Variants in FAM178B observed in about 807,000 individuals in gnomAD.
FAM178B encodes the protein protein FAM178B.
A neutral mutation model predicts 91.7 loss-of-function variants in FAM178B; 82 were observed. That is an observed-to-expected ratio of 0.89 (90% confidence interval 0.75 to 1.07). The LOEUF (loss-of-function observed/expected upper bound fraction) is 1.07. Ranked by LOEUF, FAM178B falls within the 50% of genes least tolerant of loss-of-function variation. The pLI is 0.00. For missense variants in FAM178B, 769 were observed against 846.7 expected, an observed-to-expected ratio of 0.91 and a Z score of 1.14; for synonymous variants, 368 against 359.4, an observed-to-expected ratio of 1.02 and a Z score of -0.27.
intron 4 of FAM178B, 67 bp from the exon 5 acceptor site, chr2:96,967,694 G>C: frequency 8.7e-7 from 1 of 1,143,396 alleles, no homozygotes; most frequent in Non-Finnish European, 1.3e-6. Flanking sequence ...CTGTCACTGG[G>C]CTGCAGGTGT....
intron 5 of FAM178B, among the ~76,000 whole-genome samples, chr2:96,962,431 GA>G (rs984878014): frequency 5.5e-5 from 7 of 126,778 alleles, no homozygotes; most frequent in East Asian, 2.5e-4. Context: ...TTCGTCTCAA[GA>G]AAAAAAAAAA....
intron 6 of FAM178B, among the ~76,000 whole-genome samples, chr2:96,952,564 T>C (rs758658523): frequency 6.6e-6 from 1 of 152,172 alleles, no homozygotes; most frequent in Non-Finnish European, 1.5e-5. Context: ...CCTACAAGAT[T>C]CCAGATCTTT....
At chr2:96,877,409 T>C (rs1444484289) in intron 16 of FAM178B, among the ~76,000 whole-genome samples, 1 of 151,726 alleles carries the variant, frequency 6.6e-6, no homozygotes, top group Non-Finnish European at 1.5e-5. Context: ...TGGATTTTTT[T>C]TTTTTTTTTT....
intron 5 of FAM178B, among the ~76,000 whole-genome samples, chr2:96,967,014 G>C (rs1364213491): frequency 6.6e-6 from 1 of 152,178 alleles, no homozygotes; most frequent in Non-Finnish European, 1.5e-5. Context: ...AAAACAGTGT[G>C]CCCTGAAGAT....
In FAM178B at chr2:96,986,242, T is replaced by C. The variant is rs748836319; in HGVS notation, c.72A>G (p.Thr24=). The C allele has an allele frequency of 6.5e-6, 10 of 1,534,432 alleles. No individual in the cohort carries two copies. The highest frequency in any genetic ancestry group is 3.6e-5 in the South Asian group (3 of 83,996). ...GTTCCTCGGCCTCAGTTTCCTTACC[T>C]GTAAAATGGAGCCGCTGATCCTGCC... ...LRRQDQRLHF[T]GQMSHGLQMA... Residue 24 remains threonine, a splice_region_variant and synonymous_variant, in exon 1 of 17, where the codon ACA becomes ACG. Transcript: ENST00000490605.
At chr2:96,908,974 C>G (rs1039192293) in intron 12 of FAM178B, among the ~76,000 whole-genome samples, 5 of 151,786 alleles carry the variant, frequency 3.3e-5, no homozygotes, top group South Asian at 4.2e-4. Flanking sequence ...GAAACCCCGT[C>G]TCTACTAAAA....
At chr2:96,880,417 G>A (rs1037022400) in intron 14 of FAM178B, among the ~76,000 whole-genome samples, 6 of 152,176 alleles carry the variant, frequency 3.9e-5, no homozygotes, top group Admixed American at 3.9e-4. Context: ...GTGCCTGGGG[G>A]AGGCAGGTGA....
rs1161539167 is a variant in FAM178B at position 96,911,332 on chromosome 2, AG to A, written c.1563-8626del. 6.6e-5 allele frequency among the ~76,000 whole-genome samples: 10 copies of A among 152,340 alleles called. 1 individual carries two copies. Among genetic ancestry groups the A allele is most frequent in the Admixed American group, 6.5e-4 (10 of 15,306 alleles). On this transcript the variant is annotated intron_variant, in intron 12 of 16. Coordinates refer to ENST00000490605, the MANE Select transcript of FAM178B (RefSeq NM_001122646.3). ...TCTTGAGGCTGAAGAGATGTGAACC[AG>A]GCAGAGGAGGACAATGGGAAGAGGC...
intron 7 of FAM178B, among the ~76,000 whole-genome samples, chr2:96,948,379 T>G (rs140371487): frequency 6.6e-6 from 1 of 152,236 alleles, no homozygotes; most frequent in African/African-American, 2.4e-5. Context: ...CACTGTCATC[T>G]GAGACCACCA....
At chr2:96,939,629 G>T (rs1574278312) in intron 8 of FAM178B, among the ~76,000 whole-genome samples, 1 of 152,308 alleles carries the variant, frequency 6.6e-6, no homozygotes, top group Admixed American at 6.5e-5. Context: ...AAGGAAGATG[G>T]AAGAAAAGAA....
intron 4 of FAM178B, among the ~76,000 whole-genome samples, chr2:96,968,569 CCACT>C (rs2082176654): frequency 1.3e-5 from 2 of 152,140 alleles, no homozygotes; most frequent in African/African-American, 2.4e-5. Flanking sequence ...TGCTAGCCAG[CCACT>C]CACTGAGTGA....
chr2:96,893,906 G>GGT lies in FAM178B; in HGVS notation c.1776+18_1776+19dup. The GGT allele has an allele frequency of 6.2e-7, 1 of 1,607,250 alleles. No homozygotes were observed. The highest frequency in any genetic ancestry group is 8.5e-7 in the Non-Finnish European group (1 of 1,176,720). ...GGTGGCACCGTGGTGGAGGCAGGCG[G>GGT]GTGCTGGGTGCTCACTCACCTTGTG... On this transcript the variant is annotated intron_variant, in intron 14 of 16. Transcript: ENST00000490605.
At chr2:96,888,977 G>A (rs142078456) in intron 14 of FAM178B, among the ~76,000 whole-genome samples, 1 of 152,292 alleles carries the variant, frequency 6.6e-6, no homozygotes, top group East Asian at 1.9e-4. Flanking sequence ...ATGAGCTGGG[G>A]ACCTTAAGTG....
rs576918881 is a variant in FAM178B at position 96,910,258 on chromosome 2, C to T, written c.1563-7551G>A. 8.5e-5 allele frequency among the ~76,000 whole-genome samples: 13 copies of T among 152,274 alleles called. No individual in the cohort carries two copies. In the East Asian group the frequency reaches 1.4e-3, roughly 16 times the overall value. On this transcript the variant is annotated intron_variant, in intron 12 of 16. Transcript: ENST00000490605. The stretch of plus-strand genomic sequence containing the variant: ...TTGCCCCCATCTCCTGGAAGCCCTC[C>T]GCCTCCAAAAGTCCCCATGGAGCCA...
intron 14 of FAM178B, among the ~76,000 whole-genome samples, chr2:96,884,255 G>C (rs753648736): frequency 1.9e-4 from 29 of 152,154 alleles, no homozygotes; most frequent in Non-Finnish European, 3.5e-4. Context: ...GGGCAGGTCT[G>C]GCCCAAGAGC....
chr2:96,880,845 C>T (rs935502117), intron 14 of FAM178B, among the ~76,000 whole-genome samples: 2 of 152,206 alleles, frequency 1.3e-5, no homozygotes, highest in East Asian at 1.9e-4. Flanking sequence ...CCGCCCGCCT[C>T]GGCCTCCCAA....
intron 8 of FAM178B, among the ~76,000 whole-genome samples, chr2:96,937,627 G>T (rs1315090101): frequency 6.6e-6 from 1 of 152,196 alleles, no homozygotes; most frequent in East Asian, 1.9e-4. Context: ...GGACACAGAC[G>T]TCATACTTTT....
intron 14 of FAM178B, among the ~76,000 whole-genome samples, chr2:96,883,991 C>G (rs1484680325): frequency 6.6e-6 from 1 of 152,198 alleles, no homozygotes; most frequent in Non-Finnish European, 1.5e-5. Flanking sequence ...GACTGAAGAT[C>G]GACTCTAGAG....
chr2:96,902,199 A>G (rs917119524), intron 13 of FAM178B, among the ~76,000 whole-genome samples: 1 of 149,906 alleles, frequency 6.7e-6, no homozygotes, highest in Non-Finnish European at 1.5e-5. Context: ...TCCACCTCCC[A>G]GGTTCACGCC....
Sources: gnomAD v4.1 joint callset for allele counts (sites outside exome capture counted in the v4.1 genomes callset) on GRCh38, gnomAD v4.1.1 for gene constraint, MANE v1.5 for transcripts, NCBI Gene and HGNC (gene_info 2026-07-23, HGNC 2026-07-21) for gene names.